Variants in ANXA2 observed in about 807,000 individuals in gnomAD.
ANXA2 encodes the protein annexin A2.
Under a neutral mutation model 47.3 loss-of-function variants are expected in ANXA2, and 28 were observed. The ratio of observed to expected loss-of-function variants is 0.59; its 90% CI spans 0.44 to 0.81. The LOEUF (loss-of-function observed/expected upper bound fraction) is 0.81, where lower values mean the gene tolerates loss of function less well. Ranked by LOEUF, ANXA2 falls within the 40% of genes least tolerant of loss-of-function variation. The pLI, the probability that ANXA2 is intolerant of heterozygous loss-of-function variation, is 0.00. For synonymous variants in ANXA2, 172 were observed against 155.5 expected (o/e 1.11, Z -0.79); for missense variants, 384 against 414.3 (o/e 0.93, Z 0.64).
intron 5 of ANXA2, among the ~76,000 whole-genome samples, chr15:60,359,366 C>G (rs543055018): frequency 6.6e-6 from 1 of 152,286 alleles, no homozygotes; most frequent in South Asian, 2.1e-4. Flanking sequence ...TGTTGATGGT[C>G]AGAAGAAACC....
At chr15:60,394,003 A>G (rs2063048845) in intron 1 of ANXA2, among the ~76,000 whole-genome samples, 1 of 152,122 alleles carries the variant, frequency 6.6e-6, no homozygotes, top group African/African-American at 2.4e-5. Context: ...AGTTCCGTGC[A>G]TTCAGAGTTG....
chr15:60,356,471 T>C (rs990142787), intron 6 of ANXA2, among the ~76,000 whole-genome samples: 1 of 152,106 alleles, frequency 6.6e-6, no homozygotes, highest in Non-Finnish European at 1.5e-5. Context: ...ATAGCATCTA[T>C]ATTGAAATAC....
intron 4 of ANXA2, 61 bp from the exon 5 acceptor site, chr15:60,361,115 A>G: frequency 8.5e-7 from 1 of 1,170,970 alleles, no homozygotes; most frequent in Non-Finnish European, 1.3e-6. Flanking sequence ...TAGTGAGTAA[A>G]ACAAAAGTAA....
chr15:60,397,827 C>A, intron 1 of ANXA2, 116 bp downstream of exon 1: 3 of 1,367,708 alleles, frequency 2.2e-6, no homozygotes, highest in Admixed American at 3.3e-5. Context: ...CTGCCCCCGA[C>A]GGCCTCCGGG....
chr15:60,351,540 T>C (rs1294012258), intron 10 of ANXA2, 184 bp downstream of exon 10: 1 of 624,214 alleles, frequency 1.6e-6, no homozygotes, highest in Non-Finnish European at 2.9e-6. Context: ...GGCAACAATC[T>C]GTTACCAAGT....
At chr15:60,383,278 C>T (rs552224379) in intron 2 of ANXA2, 1 of 152,632 alleles carries the variant, frequency 6.6e-6, no homozygotes, top group East Asian at 1.9e-4. Flanking sequence ...AGGCACCTGC[C>T]ACCACACCGG....
At chr15:60,357,897 C>A (rs888018932) in intron 5 of ANXA2, among the ~76,000 whole-genome samples, 16 of 151,938 alleles carry the variant, frequency 1.1e-4, no homozygotes, top group African/African-American at 3.4e-4. Flanking sequence ...GTAACTTTTT[C>A]TTATTATTAT....
intron 3 of ANXA2, among the ~76,000 whole-genome samples, chr15:60,365,536 G>A (rs1177665776): frequency 6.6e-6 from 1 of 152,182 alleles, no homozygotes; most frequent in Non-Finnish European, 1.5e-5. Flanking sequence ...GGCTTGGCCT[G>A]AAGAAAATCA....
At chr15:60,386,112 CTT>C in intron 1 of ANXA2, 26 bp from the exon 2 acceptor site, 1 of 1,557,254 alleles carries the variant, frequency 6.4e-7, no homozygotes, top group Non-Finnish European at 8.8e-7. Flanking sequence ...AACAAAAAGT[CTT>C]TATGAAGAGG....
At position 60,360,324 on chromosome 15, in the gene ANXA2, A is replaced by G. The variant is rs2062495134; in HGVS notation, c.357+617T>C. ...ATGCACAAAGTTCAGGAGGTTTCCA[A>G]TCTACAGTTTTTACTTAATTTAACC... is the stretch of plus-strand genomic sequence containing the variant. On this transcript the variant is annotated intron_variant, in intron 5 of 12. Transcript: ENST00000451270. Among the ~76,000 whole-genome samples, 3 of 152,230 alleles carry G rather than the reference A, an allele frequency of 2.0e-5. No individual in the cohort carries two copies. The South Asian group carries it at 6.2e-4, about 31-fold the overall frequency.
intron 3 of ANXA2, among the ~76,000 whole-genome samples, chr15:60,379,107 C>T (rs959333522): frequency 5.9e-5 from 9 of 152,002 alleles, no homozygotes; most frequent in South Asian, 4.2e-4. Flanking sequence ...GGTGAAACCC[C>T]GTCTCTACTA....
chr15:60,348,068 C>T (rs1895805952), intron 12 of ANXA2, among the ~76,000 whole-genome samples: 1 of 152,228 alleles, frequency 6.6e-6, no homozygotes, highest in Non-Finnish European at 1.5e-5. Flanking sequence ...ACTTTCCTAG[C>T]TCACTCTCCT....
chr15:60,353,490 G>A (rs1029717873), intron 8 of ANXA2, among the ~76,000 whole-genome samples: 1 of 152,200 alleles, frequency 6.6e-6, no homozygotes, highest in South Asian at 2.1e-4. Context: ...CAAAGCCTGA[G>A]TGAGCATATG....
At chr15:60,382,593 C>A in intron 2 of ANXA2, 152 bp from the exon 3 acceptor site, 2 of 503,692 alleles carry the variant, frequency 4.0e-6, no homozygotes, top group Non-Finnish European at 7.1e-6. Flanking sequence ...CACCATCACA[C>A]TTCACGCAAG....
At chr15:60,367,003 C>T (rs1460141411) in intron 3 of ANXA2, among the ~76,000 whole-genome samples, 12 of 89,468 alleles carry the variant, frequency 1.3e-4, no homozygotes, top group Non-Finnish European at 2.1e-4. Flanking sequence ...CGGCCAGCCG[C>T]CCAGTCCGGG....
intron 11 of ANXA2, among the ~76,000 whole-genome samples, chr15:60,350,216 G>T (rs1895944265): frequency 6.6e-6 from 1 of 151,822 alleles, no homozygotes; most frequent in Admixed American, 6.6e-5. Flanking sequence ...GACAAGAAAA[G>T]AAAAGAAAGA....
intron 3 of ANXA2, among the ~76,000 whole-genome samples, chr15:60,378,586 G>A (rs970814683): frequency 3.3e-5 from 5 of 152,172 alleles, no homozygotes; most frequent in Non-Finnish European, 7.3e-5. Context: ...AGGATTTAGG[G>A]TTTTAATAAT....
chr15:60,360,753 C>T (rs1229593261), intron 5 of ANXA2, among the ~76,000 whole-genome samples, 188 bp downstream of exon 5: 1 of 152,198 alleles, frequency 6.6e-6, no homozygotes, highest in Non-Finnish European at 1.5e-5. Flanking sequence ...AATTTCTTTA[C>T]AGTCTTAAAA....
chr15:60,397,912 A>C lies in ANXA2; in HGVS notation c.-12+31T>G, dbSNP rs1007955568. On this transcript the variant is annotated intron_variant, in intron 1 of 12. Transcript: ENST00000451270. ...TCCACACCCCGCTAGCTGGCGGCCC[A>C]TCGCGGGCGGGCAGGGCGCGCCCCG... 6 of 1,338,966 alleles carry C rather than the reference A, an allele frequency of 4.5e-6. No homozygotes were observed. In the African/African-American group the frequency reaches 9.1e-5, roughly 20 times the overall value. The allele number at this position is 1,338,966 out of a possible 1,614,324, so 82.9% of individuals were successfully genotyped here.
Sources: allele counts gnomAD v4.1 joint callset (sites outside exome capture counted in the v4.1 genomes callset), GRCh38; gene constraint gnomAD v4.1.1; transcripts MANE v1.5; gene names NCBI Gene and HGNC (gene_info 2026-07-23, HGNC 2026-07-21).